TBC1D5: variants seen among roughly 807,000 people sequenced by gnomAD.
The protein encoded by TBC1D5 is TBC1 domain family member 5.
Under a neutral mutation model 100.3 loss-of-function variants are expected in TBC1D5, and 75 were observed. The ratio of observed to expected loss-of-function variants is 0.75; its 90% CI spans 0.62 to 0.91. The LOEUF (loss-of-function observed/expected upper bound fraction) is 0.91, where lower values mean the gene tolerates loss of function less well. Ranked by LOEUF, TBC1D5 falls within the 40% of genes least tolerant of loss-of-function variation. The pLI is 0.00. For synonymous variants in TBC1D5, 323 were observed against 325.6 expected, an observed-to-expected ratio of 0.99 and a Z score of 0.09; for missense variants, 910 against 942.4, an observed-to-expected ratio of 0.97 and a Z score of 0.45.
intron 18 of TBC1D5, among the ~76,000 whole-genome samples, chr3:17,191,221 C>T (rs1197988108): frequency 2.0e-5 from 3 of 152,194 alleles, no homozygotes; most frequent in Non-Finnish European, 4.4e-5. Context: ...CACTTACCTT[C>T]TCTGTGATTC....
At chr3:17,477,902 C>T (rs1408491087) in intron 3 of TBC1D5, among the ~76,000 whole-genome samples, 8 of 152,174 alleles carry the variant, frequency 5.3e-5, no homozygotes. Context: ...AATTCATAGT[C>T]ATAAAAATGT....
intron 13 of TBC1D5, chr3:17,338,435 T>C (rs1343099533): frequency 6.6e-6 from 1 of 152,218 alleles, no homozygotes; most frequent in Non-Finnish European, 1.5e-5. Flanking sequence ...TCTGTTTGCC[T>C]GAGTACTCCG....
chr3:17,706,106 G>C (rs1455599039), intron 1 of TBC1D5: 3 of 1,605,982 alleles, frequency 1.9e-6, no homozygotes, highest in African/African-American at 2.7e-5. Flanking sequence ...GCTTGCCCTC[G>C]AAGGTGAAGT....
At chr3:17,399,641 A>C (rs76856842) in intron 8 of TBC1D5, among the ~76,000 whole-genome samples, 4,769 of 152,150 alleles carry the variant, frequency 0.031, 253 homozygotes, top group African/African-American at 0.11. Flanking sequence ...CTTTGTAGGT[A>C]TCATGCCACT....
intron 1 of TBC1D5, among the ~76,000 whole-genome samples, chr3:17,646,434 C>G (rs1313858489): frequency 1.3e-5 from 2 of 152,120 alleles, no homozygotes; most frequent in Non-Finnish European, 2.9e-5. Context: ...CAATTTTCTA[C>G]CATCATCAAG....
intron 1 of TBC1D5, among the ~76,000 whole-genome samples, chr3:17,711,384 C>G (rs140907091): frequency 1.1e-4 from 17 of 152,204 alleles, no homozygotes; most frequent in African/African-American, 4.1e-4. Context: ...ACATGATAAA[C>G]TTACCTATAA....
intron 18 of TBC1D5, among the ~76,000 whole-genome samples, chr3:17,186,034 GT>G (rs1352828832): frequency 0.014 from 1,878 of 134,636 alleles, 28 homozygotes; most frequent in African/African-American, 0.035. Flanking sequence ...GATTATCGGA[GT>G]TTTTTTTTTT....
chr3:17,726,809 G>A (rs370622552), intron 1 of TBC1D5, among the ~76,000 whole-genome samples: 1 of 152,102 alleles, frequency 6.6e-6, no homozygotes, highest in Non-Finnish European at 1.5e-5. Flanking sequence ...ATATTACCCT[G>A]TTTTCTATTT....
chr3:17,696,720 T>C (rs750106351), intron 1 of TBC1D5, among the ~76,000 whole-genome samples: 12 of 152,104 alleles, frequency 7.9e-5, no homozygotes, highest in African/African-American at 2.7e-4. Context: ...TTCCAATCAA[T>C]AGACAAAGAG....
intron 1 of TBC1D5, among the ~76,000 whole-genome samples, chr3:17,635,272 C>A (rs1008998206): frequency 6.6e-6 from 1 of 152,122 alleles, no homozygotes; most frequent in East Asian, 1.9e-4. Context: ...AGGTGTCAAA[C>A]ACATTAAATG....
intron 13 of TBC1D5, among the ~76,000 whole-genome samples, chr3:17,348,392 T>C (rs973811451): frequency 6.6e-5 from 10 of 152,254 alleles, no homozygotes; most frequent in Non-Finnish European, 1.5e-4. Flanking sequence ...ATGCGAATTG[T>C]CAGTGGGCTA....
chr3:17,239,106 A>G (rs1014261711), intron 16 of TBC1D5, among the ~76,000 whole-genome samples: 2 of 152,154 alleles, frequency 1.3e-5, no homozygotes, highest in Non-Finnish European at 2.9e-5. Flanking sequence ...CACTTCTTCC[A>G]ATCCCCATTC....
At chr3:17,468,217 T>A (rs1444741043) in intron 3 of TBC1D5, among the ~76,000 whole-genome samples, 1 of 152,146 alleles carries the variant, frequency 6.6e-6, no homozygotes, top group East Asian at 1.9e-4. Flanking sequence ...TTAGAAAGGA[T>A]AAAATGATTA....
At chr3:17,341,895 A>C (rs561132328) in intron 13 of TBC1D5, among the ~76,000 whole-genome samples, 11 of 152,258 alleles carry the variant, frequency 7.2e-5, no homozygotes, top group Non-Finnish European at 1.3e-4. Flanking sequence ...AATTACTCCT[A>C]GTCCTTAAGG....
intron 2 of TBC1D5, among the ~76,000 whole-genome samples, chr3:17,604,964 C>G (rs893658577): frequency 4.6e-5 from 7 of 152,344 alleles, no homozygotes; most frequent in African/African-American, 1.7e-4. Context: ...GTGTGAACCA[C>G]CGCACCCAGC....
chr3:17,264,942 T>A (rs2078697809), intron 15 of TBC1D5, among the ~76,000 whole-genome samples: 1 of 152,202 alleles, frequency 6.6e-6, no homozygotes, highest in Non-Finnish European at 1.5e-5. Context: ...AAAGTGATGT[T>A]TCATACTTCA....
intron 9 of TBC1D5, among the ~76,000 whole-genome samples, chr3:17,382,813 C>T (rs1203863655): frequency 6.6e-6 from 1 of 152,090 alleles, no homozygotes; most frequent in African/African-American, 2.4e-5. Context: ...CACCCTGCCT[C>T]AGCCTTACAA....
chr3:17,167,933 A>C, intron 19 of TBC1D5, 105 bp from the exon 21 acceptor site: 49 of 746,386 alleles, frequency 6.6e-5, no homozygotes, highest in Non-Finnish European at 9.5e-5. Context: ...GCCAAATCTC[A>C]CAGCAACTAC....
chr3:17,203,075 C>T (rs1207555723), intron 18 of TBC1D5, among the ~76,000 whole-genome samples: 2 of 152,198 alleles, frequency 1.3e-5, no homozygotes, highest in Non-Finnish European at 2.9e-5. Context: ...TAAATGCCAG[C>T]TTGTGAAAGC....
Sources: gnomAD v4.1 joint callset for allele counts (sites outside exome capture counted in the v4.1 genomes callset) on GRCh38, gnomAD v4.1.1 for gene constraint, MANE v1.5 for transcripts, NCBI Gene and HGNC (gene_info 2026-07-23, HGNC 2026-07-21) for gene names.